P4HTM: variants seen among roughly 807,000 people sequenced by gnomAD.
The protein encoded by P4HTM is transmembrane prolyl 4-hydroxylase.
A neutral mutation model predicts 55.3 loss-of-function variants in P4HTM; 33 were observed. The ratio of observed to expected loss-of-function variants is 0.60; its 90% confidence interval spans 0.45 to 0.80. P4HTM has a LOEUF of 0.80. P4HTM is among the 30% of genes least tolerant of loss of function. P4HTM has a pLI of 0.00. For synonymous variants in P4HTM, 272 were observed against 286.4 expected, an observed-to-expected ratio of 0.95 and a Z score of 0.51; for missense variants, 542 against 696.5, an observed-to-expected ratio of 0.78 and a Z score of 2.50.
At chr3:48,991,109 T>G (rs2092930088) in intron 2 of P4HTM, 195 bp downstream of exon 2, 10 of 560,338 alleles carry the variant, frequency 1.8e-5, no homozygotes, top group East Asian at 2.9e-5. Flanking sequence ...CTCCCTGCAG[T>G]CCATTCTTCC....
chr3:49,001,368 G>A, intron 2 of P4HTM, 70 bp from the exon 3 acceptor site: 4 of 1,456,960 alleles, frequency 2.7e-6, no homozygotes, highest in Non-Finnish European at 2.9e-6. Flanking sequence ...GAACCCTGAA[G>A]GGAGGAAGGT....
intron 2 of P4HTM, among the ~76,000 whole-genome samples, chr3:48,993,786 C>T (rs559963780): frequency 2.8e-5 from 4 of 141,816 alleles, no homozygotes; most frequent in Admixed American, 7.5e-5. Context: ...TGCTTGAACC[C>T]GGGAGGCAGA....
intron 5 of P4HTM, chr3:49,004,600 A>G: frequency 1.7e-6 from 1 of 571,840 alleles, no homozygotes. Context: ...GGAGGACCTC[A>G]GGACTCCCCG....
intron 2 of P4HTM, chr3:48,997,262 G>A (rs2092948729): frequency 6.6e-6 from 1 of 152,250 alleles, no homozygotes; most frequent in Non-Finnish European, 1.5e-5. Context: ...ACAGCCAGTC[G>A]AAAATTTTGG....
intron 3 of P4HTM, 143 bp downstream of exon 3, chr3:49,001,771 G>A (rs531790010): frequency 2.1e-5 from 15 of 702,374 alleles, no homozygotes; most frequent in African/African-American, 3.6e-5. Flanking sequence ...AGACCCAGGA[G>A]GTCCCCTTTC....
intron 6 of P4HTM, 97 bp downstream of exon 6, chr3:49,005,143 G>A (rs2092973032): frequency 6.2e-7 from 1 of 1,611,002 alleles, no homozygotes; most frequent in Non-Finnish European, 8.5e-7. Context: ...CCCTTGGCAT[G>A]GGGCCAGGAG....
chr3:48,995,339 C>A (rs967515734), intron 2 of P4HTM, among the ~76,000 whole-genome samples: 1 of 152,224 alleles, frequency 6.6e-6, no homozygotes, highest in African/African-American at 2.4e-5. Context: ...TCAGCTCCAG[C>A]AGGCCTCTGC....
intron 5 of P4HTM, 33 bp from the exon 6 acceptor site, chr3:49,004,828 G>T: frequency 6.3e-7 from 1 of 1,579,504 alleles, no homozygotes; most frequent in Non-Finnish European, 8.6e-7. Context: ...ACCTTGCCTG[G>T]GGCTGCCCAG....
rs1327938034 is a variant in P4HTM, at chr3:49,006,936, C to T, written c.*29C>T. The stretch of plus-strand genomic sequence containing the variant: ...AAGAGTTAGCCCCGGTTCCCAGCCG[C>T]GGGTCGCCAGTTGCCCAAGATCAGG... On this transcript the variant is annotated 3_prime_UTR_variant, in exon 9 of 9. Coordinates refer to ENST00000383729, the MANE Select transcript of P4HTM (RefSeq NM_177939.3). 8.9e-6 allele frequency: 14 copies of T among 1,576,406 alleles called. No individual in the cohort carries two copies. The highest frequency in any genetic ancestry group is 1.2e-5 in the Non-Finnish European group (14 of 1,156,700).
At position 49,002,845 on chromosome 3, in the gene P4HTM, T is replaced by C. The variant is rs1459554594; in HGVS notation, c.724+249T>C. Reference sequence around the variant, plus strand: ...GTTCTTGGAGACCCTTTTGATAACATCAGGCAGAGTTGAGAGCCTGGGGAC... The same window carrying C: ...GTTCTTGGAGACCCTTTTGATAACACCAGGCAGAGTTGAGAGCCTGGGGAC... On this transcript the variant is annotated intron_variant, in intron 4 of 8. Coordinates refer to ENST00000383729, the MANE Select transcript of P4HTM (RefSeq NM_177939.3). This position sits in a 1 kb window ranked among gnomAD's most constrained non-coding sequence, Gnocchi z 4.4. 4 of 569,324 alleles carry C rather than the reference T, an allele frequency of 7.0e-6. No individual in the cohort carries two copies. Among genetic ancestry groups the C allele is most frequent in the Non-Finnish European group, 1.3e-5 (4 of 309,036 alleles). The allele number at this position is 569,324 out of a possible 1,614,324, so 35.3% of individuals were successfully genotyped here.
At chr3:49,005,119 C>A (rs746019748) in intron 6 of P4HTM, 73 bp downstream of exon 6, 2 of 1,613,098 alleles carry the variant, frequency 1.2e-6, no homozygotes, top group South Asian at 2.2e-5. Flanking sequence ...CACAGCCCTG[C>A]ACTGTGGGCG....
Position 49,004,190 on chromosome 3 carries a change from C to A in P4HTM, c.817C>A (p.Arg273=). 1.3e-6 allele frequency: 2 copies of A among 1,549,498 alleles called. No individual in the cohort carries two copies. Among genetic ancestry groups the A allele is most frequent in the African/African-American group, 1.4e-5 (1 of 73,078 alleles). Reference sequence around the variant, plus strand: ...CAAGGCAGAGTCCAGTGAGCTGGTGCGGAACAGCCACCATACCTGGCTCTA... The same window carrying A: ...CAAGGCAGAGTCCAGTGAGCTGGTGAGGAACAGCCACCATACCTGGCTCTA... ...SHKAESSELV[R]NSHHTWLYQG... is the part of the protein sequence containing the mutation. Residue 273 remains arginine (R), a synonymous_variant, in exon 5 of 9, where the codon CGG becomes AGG. Transcript: ENST00000383729.
intron 6 of P4HTM, 125 bp downstream of exon 6, chr3:49,005,171 G>A (rs1434100207): frequency 1.2e-6 from 2 of 1,601,960 alleles, no homozygotes; most frequent in Admixed American, 3.4e-5. Flanking sequence ...GGTTATCCCG[G>A]TTAGTGATGC....
chr3:49,005,607 C>T (rs906613082), intron 6 of P4HTM, 170 bp from the exon 7 acceptor site: 42 of 1,414,854 alleles, frequency 3.0e-5, no homozygotes, highest in South Asian at 5.6e-5. Context: ...GACTGGGTTT[C>T]GGGGAAGGAG....
At chr3:48,993,635 G>A (rs1188182715) in intron 2 of P4HTM, among the ~76,000 whole-genome samples, 2 of 152,128 alleles carry the variant, frequency 1.3e-5, no homozygotes, top group Admixed American at 6.5e-5. Flanking sequence ...GCTGAGGCGG[G>A]TGGATCACTT....
In P4HTM at chr3:48,990,649, A is replaced by ACGGCT; in HGVS notation, c.354+40_354+44dup. ...TGCCCCGCCGCGCTCCAGGCCCTGC[A>ACGGCT]CGGCTGAGCCCGAGAGGACCGGCGC... On this transcript the variant is annotated intron_variant, in intron 1 of 8. Transcript: ENST00000383729. The surrounding 1 kb of genome is among the most constrained non-coding windows in gnomAD (Gnocchi z 7.2). 1 of 1,509,416 alleles carries ACGGCT rather than the reference A, an allele frequency of 6.6e-7. No individual in the cohort carries two copies. Among genetic ancestry groups the ACGGCT allele is most frequent in the Non-Finnish European group, 8.9e-7 (1 of 1,127,550 alleles). The allele number at this position is 1,509,416 out of a possible 1,614,324, so 93.5% of individuals were successfully genotyped here.
chr3:49,001,512 A>G lies in P4HTM; in HGVS notation c.511A>G (p.Ser171Gly). The G allele has an allele frequency of 1.9e-6, 3 of 1,613,962 alleles. No homozygotes were observed. The highest frequency in any genetic ancestry group is 2.5e-6 in the Non-Finnish European group (3 of 1,180,024). Residue 171 changes from serine to glycine, a missense_variant, in exon 3 of 9, where the codon AGC becomes GGC. This residue lies in a region of P4HTM where 536 missense variants were observed against 672.1 expected (regional missense o/e 0.80). Transcript: ENST00000383729. ...HLAQMKGLQR[S>G]QILPTEEYEE... ...GGCGCAGATGAAGGGGTTACAGCGC[A>G]GCCAGATCCTGCCTACTGAAGAGTA...
chr3:48,991,062 C>G (rs1471720553), intron 2 of P4HTM, 148 bp downstream of exon 2: 7 of 628,150 alleles, frequency 1.1e-5, no homozygotes, highest in South Asian at 3.7e-5. Flanking sequence ...GGACCTTCCC[C>G]GTCCTCGAAA....
intron 6 of P4HTM, 120 bp from the exon 7 acceptor site, chr3:49,005,657 C>G (rs1021246945): frequency 1.4e-6 from 2 of 1,458,738 alleles, no homozygotes; most frequent in South Asian, 3.1e-5. Flanking sequence ...CCTATTGTCT[C>G]CCATCCTAGT....
Sources: gnomAD v4.1 joint callset for allele counts (sites outside exome capture counted in the v4.1 genomes callset) on GRCh38, gnomAD v4.1.1 for gene constraint, gnomAD v4.1.1 regional missense constraint, Gnocchi (gnomAD v3.1) non-coding constraint, MANE v1.5 for transcripts, NCBI Gene and HGNC (gene_info 2026-07-23, HGNC 2026-07-21) for gene names.